The following ASAP1 variants were observed in gnomAD, a reference collection of about 807,000 sequenced individuals.
The protein encoded by ASAP1 is arf-GAP with SH3 domain, ANK repeat and PH domain-containing protein 1.
A neutral mutation model predicts 145.2 loss-of-function variants in ASAP1; 43 were observed. The observed-to-expected ratio is 0.30, with a 90% CI of 0.23 to 0.38. The LOEUF is 0.38. Among genes scored for constraint, ASAP1 ranks in the 10% least tolerant of loss-of-function variants. The pLI, the probability that ASAP1 is intolerant of heterozygous loss-of-function variation, is 1.00. For synonymous variants in ASAP1, 546 were observed against 515.5 expected (o/e 1.06, Z -0.80); for missense variants, 1,018 against 1,355.3 (o/e 0.75, Z 3.91).
intron 3 of ASAP1, among the ~76,000 whole-genome samples, chr8:130,276,760 T>TCTCTCTCC (rs1333515760): frequency 1.0e-3 from 135 of 130,418 alleles, no homozygotes; most frequent in African/African-American, 3.5e-3. Context: ...TCTCTCTCTC[T>TCTCTCTCC]CCTCTAACAA....
At chr8:130,302,434 A>G (rs1422277613) in intron 3 of ASAP1, among the ~76,000 whole-genome samples, 1 of 152,260 alleles carries the variant, frequency 6.6e-6, no homozygotes, top group African/African-American at 2.4e-5. Flanking sequence ...GCTAAAAATG[A>G]AGAGGCAAAA....
In ASAP1 at chr8:130,358,026, C is replaced by T; in HGVS notation, c.177G>A (p.Leu59=). 2 of 1,607,870 alleles carry T rather than the reference C, an allele frequency of 1.2e-6. 1 individual carries two copies. Among genetic ancestry groups the T allele is most frequent in the South Asian group, 2.2e-5 (2 of 90,530 alleles). The change falls in exon 3 of 30, where the codon CTG becomes CTA. Residue 59 remains leucine, a synonymous_variant. Coordinates refer to ENST00000518721, the MANE Select transcript of ASAP1 (RefSeq NM_018482.4). This position sits in a 1 kb window ranked among gnomAD's most constrained non-coding sequence, Gnocchi z 4.1. ...RLHNCRNTVT[L]LEEALDQDRT... Reference sequence around the variant, plus strand: ...TCCCGGCCCGACCTACCTCCTCCAGCAGCGTGACGGTGTTCCTGCAGTTGT... The same window carrying T: ...TCCCGGCCCGACCTACCTCCTCCAGTAGCGTGACGGTGTTCCTGCAGTTGT...
rs976438900 is a variant in ASAP1, at chr8:130,443,628, G to A, written c.-196C>T. 3.3e-5 allele frequency: 5 copies of A among 151,698 alleles called. No individual in the cohort carries two copies. The highest frequency in any genetic ancestry group is 2.6e-4 in the Admixed American group (4 of 15,204). The allele number at this position is 151,698 out of a possible 1,614,324, so 9.4% of individuals were successfully genotyped here. On this transcript the variant is annotated 5_prime_UTR_variant, in exon 1 of 30. Coordinates refer to ENST00000518721, the MANE Select transcript of ASAP1 (RefSeq NM_018482.4). The stretch of plus-strand genomic sequence containing the variant: ...GCCCGCGGCAGCGGCCAGGCCAGGC[G>A]AGGCGCGGGAGCCGAGCGCGGCGCA...
chr8:130,150,433 C>G (rs942080154), intron 13 of ASAP1, among the ~76,000 whole-genome samples: 10 of 152,244 alleles, frequency 6.6e-5, no homozygotes. Context: ...TCACTCTGCA[C>G]TGCCTTCCAC....
intron 7 of ASAP1, among the ~76,000 whole-genome samples, chr8:130,181,278 C>A (rs935236584): frequency 2.6e-5 from 4 of 152,156 alleles, no homozygotes; most frequent in African/African-American, 9.7e-5. Flanking sequence ...ATATGGGAAA[C>A]CTCTTACATT....
At chr8:130,246,181 G>GC (rs112953422) in intron 3 of ASAP1, among the ~76,000 whole-genome samples, 28,108 of 151,662 alleles carry the variant, frequency 0.19, 3,292 homozygotes, top group East Asian at 0.44. Context: ...CCTCCCCTTC[G>GC]CCCCCCCATG....
Position 130,092,545 on chromosome 8 carries a change from T to C in ASAP1, c.2402-402A>G, listed in dbSNP as rs1406482317. On this transcript the variant is annotated intron_variant, in intron 24 of 29. Coordinates refer to ENST00000518721, the MANE Select transcript of ASAP1 (RefSeq NM_018482.4). Reference sequence around the variant, plus strand: ...GGAAGACTGAGGTAGGAGGATCACTTGAAGTCAGGAGTTCGAGGATACACT... The same window carrying C: ...GGAAGACTGAGGTAGGAGGATCACTCGAAGTCAGGAGTTCGAGGATACACT... Among the ~76,000 whole-genome samples, 3 of 152,252 alleles carry C rather than the reference T, an allele frequency of 2.0e-5. No individual in the cohort carries two copies. In the East Asian group the frequency reaches 5.8e-4, roughly 29 times the overall value.
chr8:130,309,889 G>A (rs1823227793), intron 3 of ASAP1, among the ~76,000 whole-genome samples: 1 of 152,126 alleles, frequency 6.6e-6, no homozygotes, highest in Non-Finnish European at 1.5e-5. Flanking sequence ...TTGAAAATCT[G>A]TCAAAATCCA....
In ASAP1 at chr8:130,069,179, T is replaced by C. The variant is rs777454143; in HGVS notation, c.2701+7169A>G. Among the ~76,000 whole-genome samples, 5 of 152,126 alleles carry C rather than the reference T, an allele frequency of 3.3e-5. No homozygotes were observed. In the East Asian group the frequency reaches 9.6e-4, roughly 29 times the overall value. On this transcript the variant is annotated intron_variant, in intron 27 of 29. Transcript: ENST00000518721. The stretch of plus-strand genomic sequence containing the variant: ...GGGACTCATCCCAGCAGGGTAGAAA[T>C]CTTTAGATGGTTATTAAGAAATGGA...
chr8:130,230,512 A>T (rs1817850871), intron 4 of ASAP1, among the ~76,000 whole-genome samples: 1 of 152,074 alleles, frequency 6.6e-6, no homozygotes, highest in Non-Finnish European at 1.5e-5. Flanking sequence ...GGGGGAAAAA[A>T]ACCCCTTCCT....
At chr8:130,146,727 G>A (rs1039435114) in intron 13 of ASAP1, among the ~76,000 whole-genome samples, 6 of 152,068 alleles carry the variant, frequency 3.9e-5, no homozygotes, top group Non-Finnish European at 7.4e-5. Context: ...GCTCTGGATG[G>A]GGCAAGAAAA....
intron 3 of ASAP1, among the ~76,000 whole-genome samples, chr8:130,277,372 C>T (rs1368786907): frequency 1.3e-5 from 2 of 152,068 alleles, no homozygotes; most frequent in African/African-American, 2.4e-5. Context: ...TTCTTCATAT[C>T]CAGTGAATTT....
In ASAP1 at chr8:130,432,170, GAAAGGGGGA is replaced by G. The variant is rs372154207; in HGVS notation, c.-28+11281_-28+11289del. ...CAGAGGCAGGAGGAGGGGAGGAGGGGAAAGGGGGAGAAGGGAGAGAGGGAGGAAGGGAGG... is the reference window on the plus strand; with the variant it reads ...CAGAGGCAGGAGGAGGGGAGGAGGGGGAAGGGAGAGAGGGAGGAAGGGAGG... On this transcript the variant is annotated intron_variant, in intron 1 of 29. Transcript: ENST00000518721. Among the ~76,000 whole-genome samples, 710 of 139,722 alleles carry G rather than the reference GAAAGGGGGA, an allele frequency of 5.1e-3. 6 individuals carry two copies. Among genetic ancestry groups the G allele is most frequent in the African/African-American group, 0.018 (672 of 37,964 alleles). The allele number at this position is 139,722 out of a possible 152,430, so 91.7% of individuals were successfully genotyped here.
At chr8:130,323,922 T>C (rs1351848250) in intron 3 of ASAP1, among the ~76,000 whole-genome samples, 1 of 152,174 alleles carries the variant, frequency 6.6e-6, no homozygotes, top group East Asian at 1.9e-4. Flanking sequence ...AAGATGCAGA[T>C]GCAGGAGCAA....
chr8:130,189,729 T>C (rs1815005774), intron 5 of ASAP1, among the ~76,000 whole-genome samples: 1 of 152,210 alleles, frequency 6.6e-6, no homozygotes, highest in Non-Finnish European at 1.5e-5. Context: ...GAGGAGCCTC[T>C]ATACCATTCT....
At chr8:130,357,926 G>C in intron 3 of ASAP1, 91 bp downstream of exon 3, 1 of 1,480,330 alleles carries the variant, frequency 6.8e-7, no homozygotes, top group Non-Finnish European at 9.0e-7. Context: ...CCCGGCCCCC[G>C]CGTCCCCTTC....
intron 2 of ASAP1, among the ~76,000 whole-genome samples, chr8:130,379,254 C>T (rs1200338128): frequency 1.3e-5 from 2 of 152,178 alleles, no homozygotes; most frequent in African/African-American, 2.4e-5. Context: ...CTCCCCCATA[C>T]CTGGCCCTAG....
chr8:130,395,893 T>C (rs1828508757), intron 2 of ASAP1, among the ~76,000 whole-genome samples: 3 of 152,156 alleles, frequency 2.0e-5, no homozygotes, highest in Non-Finnish European at 2.9e-5. Context: ...CTCGAACTCC[T>C]GATCTTAGGT....
intron 7 of ASAP1, among the ~76,000 whole-genome samples, chr8:130,182,522 A>G (rs770586830): frequency 1.3e-5 from 2 of 152,192 alleles, no homozygotes; most frequent in Non-Finnish European, 1.5e-5. Context: ...ACCCCTAATA[A>G]AAGAGCTGCC....
Sources: gnomAD v4.1 joint callset for allele counts (sites outside exome capture counted in the v4.1 genomes callset) on GRCh38, gnomAD v4.1.1 for gene constraint, Gnocchi (gnomAD v3.1) non-coding constraint, MANE v1.5 for transcripts, NCBI Gene and HGNC (gene_info 2026-07-23, HGNC 2026-07-21) for gene names.